The following AMBRA1 variants were observed in gnomAD, a reference collection of about 807,000 sequenced individuals.
AMBRA1 encodes activating molecule in BECN1-regulated autophagy protein 1.
AMBRA1 carries 47 observed loss-of-function variants against 125.4 expected under a neutral mutation model. The ratio of observed to expected loss-of-function variants is 0.37; its 90% CI spans 0.30 to 0.48. AMBRA1 has a LOEUF of 0.48. Ranked by LOEUF, AMBRA1 falls within the 20% of genes least tolerant of loss-of-function variation. The pLI, the probability that AMBRA1 is intolerant of heterozygous loss-of-function variation, is 0.99. For synonymous variants in AMBRA1, 626 were observed against 655.5 expected, an observed-to-expected ratio of 0.95 and a Z score of 0.69; for missense variants, 1,331 against 1,693.4, an observed-to-expected ratio of 0.79 and a Z score of 3.76.
At chr11:46,460,364 C>T (rs1173029254) in intron 11 of AMBRA1, among the ~76,000 whole-genome samples, 1 of 151,308 alleles carries the variant, frequency 6.6e-6, no homozygotes, top group African/African-American at 2.4e-5. Context: ...CTCTGTTGCC[C>T]AGGCTGGAGC....
intron 1 of AMBRA1, among the ~76,000 whole-genome samples, chr11:46,566,188 G>A (rs758298779): frequency 6.6e-6 from 1 of 152,216 alleles, no homozygotes; most frequent in African/African-American, 2.4e-5. Flanking sequence ...GGAGGCTGAG[G>A]AGGGTGGATC....
chr11:46,489,105 G>A (rs1950375496), intron 11 of AMBRA1, among the ~76,000 whole-genome samples: 2 of 151,970 alleles, frequency 1.3e-5, no homozygotes, highest in Non-Finnish European at 1.5e-5. Flanking sequence ...TAGGGTACAT[G>A]TGCACAACGT....
At chr11:46,568,269 C>A (rs1055395835) in intron 1 of AMBRA1, among the ~76,000 whole-genome samples, 5 of 152,094 alleles carry the variant, frequency 3.3e-5, no homozygotes, top group South Asian at 2.1e-4. Flanking sequence ...ACCAGCCTGG[C>A]CAACGTGGTG....
rs111707177 is a variant in AMBRA1, at chr11:46,526,736, A to C, written c.2073-13923T>G. 5.7e-4 allele frequency among the ~76,000 whole-genome samples: 86 copies of C among 151,690 alleles called. 1 individual carries two copies. Among genetic ancestry groups the C allele is most frequent in the East Asian group, 1.5e-3 (8 of 5,172 alleles). On this transcript the variant is annotated intron_variant, in intron 7 of 17. Transcript: ENST00000683756. ...GCCCAGTCTACACCCCACACACACA[A>C]AAAAAAACCATGAAAAATAACTGAA...
chr11:46,484,785 C>T (rs1426136155), intron 11 of AMBRA1, among the ~76,000 whole-genome samples: 1 of 151,744 alleles, frequency 6.6e-6, no homozygotes, highest in Non-Finnish European at 1.5e-5. Context: ...GCTGGGACTA[C>T]AGGCACCTGC....
chr11:46,503,344 G>C (rs1243770352), intron 9 of AMBRA1, among the ~76,000 whole-genome samples: 3 of 152,212 alleles, frequency 2.0e-5, no homozygotes. Flanking sequence ...GGAATCGCCA[G>C]TGAGTGGAGC....
chr11:46,406,258 TG>T (rs1946013947), intron 17 of AMBRA1, among the ~76,000 whole-genome samples: 1 of 151,068 alleles, frequency 6.6e-6, no homozygotes, highest in Admixed American at 6.6e-5. Context: ...TTCACCATGT[TG>T]GCCAGCTGGT....
intron 11 of AMBRA1, among the ~76,000 whole-genome samples, chr11:46,445,568 A>AT (rs1948244127): frequency 6.6e-6 from 1 of 152,090 alleles, no homozygotes; most frequent in Admixed American, 6.6e-5. Flanking sequence ...AACTTTCTTG[A>AT]TTTTTCTATG....
intron 11 of AMBRA1, among the ~76,000 whole-genome samples, chr11:46,480,242 T>C (rs146708898): frequency 1.3e-5 from 2 of 152,278 alleles, no homozygotes; most frequent in East Asian, 1.9e-4. Flanking sequence ...TAAAGTAACA[T>C]ATTCACAGGT....
At chr11:46,504,394 G>A (rs1246681432) in intron 9 of AMBRA1, 1 of 152,214 alleles carries the variant, frequency 6.6e-6, no homozygotes, top group South Asian at 2.1e-4. Context: ...ATGGAAGTCT[G>A]CCTTACGCTT....
intron 17 of AMBRA1, among the ~76,000 whole-genome samples, chr11:46,400,818 T>C (rs1300936691): frequency 6.6e-6 from 1 of 152,054 alleles, no homozygotes; most frequent in East Asian, 1.9e-4. Context: ...CAGCATTATG[T>C]CCTCTCTTGC....
chr11:46,497,129 A>AAAT (rs1950663351), intron 9 of AMBRA1, among the ~76,000 whole-genome samples: 1 of 151,750 alleles, frequency 6.6e-6, no homozygotes, highest in Non-Finnish European at 1.5e-5. Flanking sequence ...ATAAATAAAT[A>AAAT]AAATAAAATA....
intron 17 of AMBRA1, among the ~76,000 whole-genome samples, chr11:46,403,112 C>A (rs1966278450): frequency 6.6e-6 from 1 of 152,240 alleles, no homozygotes; most frequent in South Asian, 2.1e-4. Context: ...CACATGAGGT[C>A]TCTTCCTTGG....
At chr11:46,428,936 G>C in intron 14 of AMBRA1, 1 of 1,612,144 alleles carries the variant, frequency 6.2e-7, no homozygotes, top group South Asian at 1.1e-5. Context: ...ACCCTCATTG[G>C]TAAGGTACCA....
At chr11:46,532,623 G>C (rs1034314005) in intron 7 of AMBRA1, among the ~76,000 whole-genome samples, 2 of 152,190 alleles carry the variant, frequency 1.3e-5, no homozygotes, top group Non-Finnish European at 2.9e-5. Context: ...TTTTAGCAGA[G>C]ATGGGGTTTC....
At chr11:46,582,387 ATC>A (rs1289483751) in intron 1 of AMBRA1, among the ~76,000 whole-genome samples, 1 of 152,024 alleles carries the variant, frequency 6.6e-6, no homozygotes, top group African/African-American at 2.4e-5. Context: ...CCCTACTATA[ATC>A]TCTTTTTATT....
intron 14 of AMBRA1, among the ~76,000 whole-genome samples, chr11:46,421,465 G>T (rs1018337987): frequency 1.3e-5 from 2 of 152,196 alleles, no homozygotes; most frequent in Non-Finnish European, 2.9e-5. Context: ...ACTCTAGTGC[G>T]GTGTGGGAAG....
intron 9 of AMBRA1, among the ~76,000 whole-genome samples, chr11:46,507,314 C>G (rs911729584): frequency 1.4e-5 from 2 of 147,068 alleles, no homozygotes; most frequent in African/African-American, 5.0e-5. Flanking sequence ...CCCATCTCTA[C>G]TAAAAATACA....
At chr11:46,549,677 A>T (rs896026226) in intron 1 of AMBRA1, among the ~76,000 whole-genome samples, 2 of 152,172 alleles carry the variant, frequency 1.3e-5, no homozygotes, top group African/African-American at 4.8e-5. Context: ...TTTATGGTTG[A>T]CTTAAAAAAA....
Sources: allele counts gnomAD v4.1 joint callset (sites outside exome capture counted in the v4.1 genomes callset), GRCh38; gene constraint gnomAD v4.1.1; transcripts MANE v1.5; gene names NCBI Gene and HGNC (gene_info 2026-07-23, HGNC 2026-07-21).